UMAD1: variants seen among roughly 807,000 people sequenced by gnomAD.
The protein encoded by UMAD1 is UBAP1-MVB12-associated (UMA) domain containing 1.
Under a neutral mutation model 6.1 loss-of-function variants are expected in UMAD1, and 8 were observed. That is an observed-to-expected ratio of 1.30 (90% CI 0.76 to 2.35). UMAD1 has a LOEUF of 2.35. Among genes scored for constraint, UMAD1 ranks in the 30% most tolerant of loss-of-function variants. The pLI, the probability that UMAD1 is intolerant of heterozygous loss-of-function variation, is 0.00. For missense variants in UMAD1, 130 were observed against 78.4 expected (o/e 1.66, Z -2.49); for synonymous variants, 56 against 31.4 (o/e 1.78, Z -2.61).
intron 2 of UMAD1, among the ~76,000 whole-genome samples, chr7:7,710,062 C>T (rs907905431): frequency 2.0e-5 from 3 of 152,120 alleles, no homozygotes; most frequent in Non-Finnish European, 4.4e-5. Flanking sequence ...TGTTCTTCAG[C>T]AATTTGCCTC....
intron 3 of UMAD1, among the ~76,000 whole-genome samples, chr7:7,847,693 C>A (rs77236373): frequency 6.6e-6 from 1 of 152,088 alleles, no homozygotes; most frequent in African/African-American, 2.4e-5. Flanking sequence ...CATCATGACT[C>A]TTCCCGACTC....
At chr7:7,820,757 A>T (rs1324407010) in intron 3 of UMAD1, among the ~76,000 whole-genome samples, 1 of 152,202 alleles carries the variant, frequency 6.6e-6, no homozygotes, top group Non-Finnish European at 1.5e-5. Context: ...CTCATGAGGA[A>T]AATGTACAAT....
intron 3 of UMAD1, among the ~76,000 whole-genome samples, chr7:7,815,311 G>A (rs1455950590): frequency 6.6e-6 from 1 of 152,096 alleles, no homozygotes. Flanking sequence ...TATATACACA[G>A]TATCTGATGT....
At chr7:7,770,425 T>C (rs1014396491) in intron 2 of UMAD1, among the ~76,000 whole-genome samples, 1 of 152,138 alleles carries the variant, frequency 6.6e-6, no homozygotes, top group African/African-American at 2.4e-5. Flanking sequence ...CCAATCCCCG[T>C]TGGCATAAAA....
chr7:7,809,485 A>G (rs989315595), intron 3 of UMAD1, among the ~76,000 whole-genome samples: 1 of 152,020 alleles, frequency 6.6e-6, no homozygotes, highest in African/African-American at 2.4e-5. Flanking sequence ...CATGCTTACA[A>G]TGTGAAATGA....
chr7:7,862,297 A>G (rs917775752), intron 3 of UMAD1, among the ~76,000 whole-genome samples: 3 of 152,168 alleles, frequency 2.0e-5, no homozygotes, highest in South Asian at 2.1e-4. Context: ...GTATATGTAG[A>G]TGATTGAAGT....
At chr7:7,702,117 AGAT>A (rs907868145) in intron 2 of UMAD1, among the ~76,000 whole-genome samples, 1 of 152,208 alleles carries the variant, frequency 6.6e-6, no homozygotes, top group African/African-American at 2.4e-5. Flanking sequence ...ATTACTATGT[AGAT>A]GTTTTCTATT....
At chr7:7,730,052 G>A (rs1281736462) in intron 2 of UMAD1, among the ~76,000 whole-genome samples, 7 of 152,090 alleles carry the variant, frequency 4.6e-5, no homozygotes, top group African/African-American at 1.7e-4. Context: ...GGATAAACTC[G>A]ACTTTTCCCT....
chr7:7,735,254 G>C (rs1432715737), intron 2 of UMAD1, among the ~76,000 whole-genome samples: 6 of 152,152 alleles, frequency 3.9e-5, no homozygotes, highest in East Asian at 1.9e-4. Flanking sequence ...GATCAAATTA[G>C]AAGGAAAGTT....
At chr7:7,648,064 C>T (rs1393083309) in intron 1 of UMAD1, among the ~76,000 whole-genome samples, 2 of 152,206 alleles carry the variant, frequency 1.3e-5, no homozygotes, top group East Asian at 3.8e-4. Context: ...TCTTTTGTAG[C>T]TTAGCTGACA....
intron 2 of UMAD1, among the ~76,000 whole-genome samples, chr7:7,709,532 G>T (rs530220795): frequency 1.3e-5 from 2 of 152,350 alleles, no homozygotes; most frequent in East Asian, 3.9e-4. Context: ...GAAGTTGAAA[G>T]AAAAGTCAGG....
chr7:7,656,766 A>G (rs1013932449), intron 1 of UMAD1, among the ~76,000 whole-genome samples: 4 of 152,208 alleles, frequency 2.6e-5, no homozygotes, highest in African/African-American at 9.7e-5. Flanking sequence ...ACAGTGCTGC[A>G]ATAAACATAC....
intron 2 of UMAD1, among the ~76,000 whole-genome samples, chr7:7,743,981 T>C (rs1042100687): frequency 6.6e-6 from 1 of 152,108 alleles, no homozygotes; most frequent in Non-Finnish European, 1.5e-5. Flanking sequence ...GCTTTTAACA[T>C]ATCCACACAA....
chr7:7,784,847 C>T (rs191417423), intron 2 of UMAD1, among the ~76,000 whole-genome samples: 1,998 of 148,632 alleles, frequency 0.013, 20 homozygotes, highest in Non-Finnish European at 0.02. Context: ...CTGCAGGCTC[C>T]GCCCCCTGGG....
intron 2 of UMAD1, among the ~76,000 whole-genome samples, chr7:7,759,962 C>A (rs940217406): frequency 6.6e-6 from 1 of 152,094 alleles, no homozygotes; most frequent in Non-Finnish European, 1.5e-5. Flanking sequence ...GTCGACGCCC[C>A]CTCCTCTTGA....
intron 3 of UMAD1, among the ~76,000 whole-genome samples, chr7:7,872,930 A>C (rs1455179023): frequency 6.6e-6 from 1 of 152,222 alleles, no homozygotes; most frequent in Non-Finnish European, 1.5e-5. Context: ...GGAGAGGGAA[A>C]GGTATTATTT....
At chr7:7,806,555 T>C in intron 3 of UMAD1, among the ~76,000 whole-genome samples, 1 of 152,182 alleles carries the variant, frequency 6.6e-6, no homozygotes, top group South Asian at 2.1e-4. Context: ...AAATAAATAA[T>C]CCACTTATCT....
At chr7:7,731,107 T>G (rs1350428579) in intron 2 of UMAD1, among the ~76,000 whole-genome samples, 1 of 152,196 alleles carries the variant, frequency 6.6e-6, no homozygotes, top group Non-Finnish European at 1.5e-5. Flanking sequence ...CCAGCAATTC[T>G]CCTGCCTCAG....
intron 2 of UMAD1, among the ~76,000 whole-genome samples, chr7:7,786,577 G>A (rs893721874): frequency 1.3e-5 from 2 of 151,528 alleles, no homozygotes; most frequent in African/African-American, 4.9e-5. Flanking sequence ...CCCACCCCCC[G>A]TAAGCCTTGT....
Sources: allele counts gnomAD v4.1 joint callset (sites outside exome capture counted in the v4.1 genomes callset), GRCh38; gene constraint gnomAD v4.1.1; transcripts MANE v1.5; gene names NCBI Gene and HGNC (gene_info 2026-07-23, HGNC 2026-07-21).